KDM4A: variants seen among roughly 807,000 people sequenced by gnomAD.
KDM4A encodes the protein lysine-specific demethylase 4A.
KDM4A carries 23 observed loss-of-function variants against 127.1 expected under a neutral mutation model. That is an observed-to-expected ratio of 0.18 (90% CI 0.13 to 0.26). KDM4A has a LOEUF of 0.26. Among genes scored for constraint, KDM4A ranks in the 10% least tolerant of loss-of-function variants. The pLI, the probability that KDM4A is intolerant of heterozygous loss-of-function variation, is 1.00. For missense variants in KDM4A, 890 were observed against 1,329.1 expected, an observed-to-expected ratio of 0.67 and a Z score of 5.14; for synonymous variants, 443 against 466.5, an observed-to-expected ratio of 0.95 and a Z score of 0.65.
intron 11 of KDM4A, among the ~76,000 whole-genome samples, chr1:43,672,351 G>C (rs1660640443): frequency 6.6e-6 from 1 of 151,992 alleles, no homozygotes; most frequent in Non-Finnish European, 1.5e-5. Flanking sequence ...ACCACACCCA[G>C]CTAATTTTTG....
chr1:43,681,265 T>A (rs1660851078), intron 11 of KDM4A, among the ~76,000 whole-genome samples: 1 of 152,176 alleles, frequency 6.6e-6, no homozygotes, highest in Non-Finnish European at 1.5e-5. Flanking sequence ...TTCTTCTCTT[T>A]CTGGTATTCC....
intron 19 of KDM4A, among the ~76,000 whole-genome samples, chr1:43,701,713 C>T (rs1487237384): frequency 6.6e-6 from 1 of 152,118 alleles, no homozygotes; most frequent in Non-Finnish European, 1.5e-5. Context: ...GTCTTGAACT[C>T]CTGGGCTGAT....
At chr1:43,683,614 A>T in intron 11 of KDM4A, 70 bp from the exon 12 acceptor site, 1 of 1,526,592 alleles carries the variant, frequency 6.6e-7, no homozygotes, top group Non-Finnish European at 8.8e-7. Context: ...TTTGGTTTTC[A>T]TTGTAAGGGT....
Position 43,653,286 on chromosome 1 carries a change from A to G in KDM4A, c.111A>G (p.Gln37=). 1 of 1,613,478 alleles carries G rather than the reference A, an allele frequency of 6.2e-7. No homozygotes were observed. Among genetic ancestry groups the G allele is most frequent in the Admixed American group, 1.7e-5 (1 of 59,954 alleles). Residue 37 remains glutamine, a synonymous_variant, in exon 2 of 22, where the codon CAA becomes CAG. Transcript: ENST00000372396. ...GATACATTGCCTACATTGAATCCCA[A>G]GGAGCTCATCGGGCAGGGCTAGCCA... ...FSRYIAYIES[Q]GAHRAGLAKV...
At chr1:43,651,148 C>T (rs938324369) in intron 1 of KDM4A, among the ~76,000 whole-genome samples, 19 of 152,260 alleles carry the variant, frequency 1.2e-4, no homozygotes, top group African/African-American at 4.1e-4. Flanking sequence ...ACATTGTATT[C>T]ACATGATTGT....
intron 2 of KDM4A, among the ~76,000 whole-genome samples, chr1:43,654,721 GTGTGTGTGTGTGTGTGTGT>G (rs1264756016): frequency 7.4e-6 from 1 of 134,232 alleles, no homozygotes; most frequent in South Asian, 2.2e-4. Context: ...GTGTGTGTGT[GTGTGTGTGTGTGTGTGTGT>G]TGTTTTCTCC....
rs554421865 is a variant in KDM4A at position 43,702,039 on chromosome 1, A to G, written c.2842-1578A>G. 7.2e-5 allele frequency: 11 copies of G among 152,348 alleles called. No homozygotes were observed. The East Asian group carries it at 1.7e-3, about 24-fold the overall frequency. The allele number at this position is 152,348 out of a possible 1,614,324, so 9.4% of individuals were successfully genotyped here. On this transcript the variant is annotated intron_variant, in intron 19 of 21. Coordinates refer to ENST00000372396, the MANE Select transcript of KDM4A (RefSeq NM_014663.3). ...TGAGTGTACAGTGGTGAAAAATGCAATAACAACTAGTAGAGCTTAGGGTCA... is the reference window on the plus strand; with the variant it reads ...TGAGTGTACAGTGGTGAAAAATGCAGTAACAACTAGTAGAGCTTAGGGTCA...
At chr1:43,689,130 C>T in intron 13 of KDM4A, 35 bp downstream of exon 13, 1 of 1,599,396 alleles carries the variant, frequency 6.3e-7, no homozygotes, top group Non-Finnish European at 8.5e-7. Context: ...TTACCCAGGA[C>T]CAGCAATCAT....
chr1:43,655,744 C>T lies in KDM4A; in HGVS notation c.292C>T (p.Arg98Cys), dbSNP rs138326186. ...GAAAGCCATGACTGTTCGAGAGTTC[C>T]GCAAGATAGCCAATAGCGATAAGTG... ...QKKAMTVREF[R>C]KIANSDKYCT... Residue 98 changes from arginine to cysteine, a missense_variant, in exon 3 of 22, where the codon CGC becomes TGC. By Grantham distance (180) the Arg-to-Cys change is radical. Transcript: ENST00000372396. 682 of 1,611,508 alleles carry T rather than the reference C, an allele frequency of 4.2e-4. 2 individuals carry two copies. Among genetic ancestry groups the T allele is most frequent in the Middle Eastern group, 8.3e-4 (5 of 6,048 alleles).
At position 43,694,377 on chromosome 1, in the gene KDM4A, G is replaced by T. The variant is rs1467612571; in HGVS notation, c.2484+275G>T. ...ACTAAAAATATAAAATTAGCTGGGA[G>T]TGGTGGTGCGCACCTATAATCCCAG... On this transcript the variant is annotated intron_variant, in intron 17 of 21. Transcript: ENST00000372396. This position sits in a 1 kb window ranked among gnomAD's most constrained non-coding sequence, Gnocchi z 5.2. 2.0e-5 allele frequency among the ~76,000 whole-genome samples: 3 copies of T among 152,124 alleles called. No homozygotes were observed. The highest frequency in any genetic ancestry group is 2.0e-4 in the Admixed American group (3 of 15,272).
chr1:43,659,673 T>C (rs1660326521), intron 3 of KDM4A, among the ~76,000 whole-genome samples: 1 of 152,236 alleles, frequency 6.6e-6, no homozygotes, highest in Non-Finnish European at 1.5e-5. Context: ...AATATGCGTA[T>C]ATGTGAGTAC....
At chr1:43,687,379 C>A (rs958169711) in intron 12 of KDM4A, among the ~76,000 whole-genome samples, 1 of 152,114 alleles carries the variant, frequency 6.6e-6, no homozygotes, top group African/African-American at 2.4e-5. Flanking sequence ...GTTTCAGGGG[C>A]CTTTGGGAAA....
At chr1:43,689,699 G>A (rs1171702989) in intron 13 of KDM4A, among the ~76,000 whole-genome samples, 1 of 152,110 alleles carries the variant, frequency 6.6e-6, no homozygotes, top group Non-Finnish European at 1.5e-5. Context: ...GGCATTCACA[G>A]CAGCAGGTGC....
intron 13 of KDM4A, 143 bp downstream of exon 13, chr1:43,689,238 G>T: frequency 1.2e-6 from 1 of 818,054 alleles, no homozygotes. Context: ...TCTGTGTATT[G>T]GTCAGTCTTC....
At chr1:43,676,949 A>G (rs1394333098) in intron 11 of KDM4A, among the ~76,000 whole-genome samples, 1 of 152,168 alleles carries the variant, frequency 6.6e-6, no homozygotes, top group Non-Finnish European at 1.5e-5. Flanking sequence ...CTATCAGACT[A>G]TATATTTGTG....
Position 43,688,786 on chromosome 1 carries a change from T to C in KDM4A, c.1856-128T>C. The C allele has an allele frequency of 1.3e-6, 1 of 757,042 alleles. No individual in the cohort carries two copies. Among genetic ancestry groups the C allele is most frequent in the Non-Finnish European group, 2.1e-6 (1 of 470,690 alleles). 46.9% of individuals were successfully genotyped at this position (757,042 alleles called of 1,614,324 possible). On this transcript the variant is annotated intron_variant, in intron 12 of 21. Transcript: ENST00000372396. The surrounding 1 kb of genome is among the most constrained non-coding windows in gnomAD (Gnocchi z 4.4). ...TTCCACCCTTTGCCTTTATCATCCT[T>C]AGGAATTCAGGAGTCACCCTTGGTC...
At position 43,691,010 on chromosome 1, in the gene KDM4A, C is replaced by G; in HGVS notation, c.2203C>G (p.Leu735Val). 1.2e-6 allele frequency: 2 copies of G among 1,614,236 alleles called. No individual in the cohort carries two copies. Among genetic ancestry groups the G allele is most frequent in the Non-Finnish European group, 1.7e-6 (2 of 1,180,040 alleles). Residue 735 changes from leucine (L) to valine (V), a missense_variant, in exon 14 of 22, where the codon CTC becomes GTC. Physicochemically the swap from Leu to Val is conservative, Grantham distance 32. This residue lies in a region of KDM4A where 389 missense variants were observed against 485.9 expected (regional missense o/e 0.80). Transcript: ENST00000372396. ...TCTTGAGGAGGATGGCACCAGCATACTCGTTTCCTGCAAGAAGTGCAGCGT... is the reference window on the plus strand; with the variant it reads ...TCTTGAGGAGGATGGCACCAGCATAGTCGTTTCCTGCAAGAAGTGCAGCGT... ...PYLEEDGTSI[L>V]VSCKKCSVRV...
At chr1:43,699,229 G>A (rs187561728) in intron 19 of KDM4A, among the ~76,000 whole-genome samples, 2 of 151,912 alleles carry the variant, frequency 1.3e-5, no homozygotes, top group Non-Finnish European at 2.9e-5. Flanking sequence ...CCAGGTAGCT[G>A]GGACTACAGG....
At chr1:43,669,347 T>G (rs937657202) in intron 10 of KDM4A, 48 bp downstream of exon 10, 2 of 1,568,450 alleles carry the variant, frequency 1.3e-6, no homozygotes, top group Non-Finnish European at 1.8e-6. Context: ...CATATATGTG[T>G]CCCGTGTTAG....
Sources: allele counts gnomAD v4.1 joint callset (sites outside exome capture counted in the v4.1 genomes callset), GRCh38; gene constraint gnomAD v4.1.1; regional missense constraint gnomAD v4.1.1; non-coding constraint Gnocchi (gnomAD v3.1); transcripts MANE v1.5; gene names NCBI Gene and HGNC (gene_info 2026-07-23, HGNC 2026-07-21).